Variants in EIF2AK4 observed in about 807,000 individuals in gnomAD.
EIF2AK4 encodes eIF-2-alpha kinase GCN2.
Under a neutral mutation model 211.1 loss-of-function variants are expected in EIF2AK4, and 139 were observed. The ratio of observed to expected loss-of-function variants is 0.66; its 90% CI spans 0.57 to 0.76. The LOEUF (loss-of-function observed/expected upper bound fraction) is 0.76, where lower values mean the gene tolerates loss of function less well. Ranked by LOEUF, EIF2AK4 falls within the 30% of genes least tolerant of loss-of-function variation. EIF2AK4 has a pLI of 0.00. For missense variants in EIF2AK4, 1,664 were observed against 2,043.8 expected, an observed-to-expected ratio of 0.81 and a Z score of 3.58; for synonymous variants, 710 against 751.3, an observed-to-expected ratio of 0.94 and a Z score of 0.90.
At chr15:39,961,044 C>T (rs1223570508) in intron 6 of EIF2AK4, among the ~76,000 whole-genome samples, 1 of 152,046 alleles carries the variant, frequency 6.6e-6, no homozygotes, top group East Asian at 1.9e-4. Context: ...TCCCTGCAAC[C>T]CTCTCCCCTA....
chr15:40,032,417 G>T (rs754321046), intron 36 of EIF2AK4, among the ~76,000 whole-genome samples, 180 bp downstream of exon 36: 9 of 152,076 alleles, frequency 5.9e-5, no homozygotes, highest in Admixed American at 2.0e-4. Context: ...AAGGTTTTTT[G>T]TTTCTCCTCT....
In EIF2AK4 at chr15:39,982,747, T is replaced by G. The variant is rs1204747938; in HGVS notation, c.2320-3058T>G. Among the ~76,000 whole-genome samples the G allele has an allele frequency of 3.3e-5, 5 of 152,204 alleles. No homozygotes were observed. In the East Asian group the frequency reaches 9.7e-4, roughly 29 times the overall value. On this transcript the variant is annotated intron_variant, in intron 13 of 38. Transcript: ENST00000263791. The stretch of plus-strand genomic sequence containing the variant: ...CCAATGTGTGATGTTCCCCTCCTTG[T>G]GCCCATATGTTCTCATTGTTCAACT...
intron 15 of EIF2AK4, among the ~76,000 whole-genome samples, chr15:39,989,655 A>G (rs1163649113): frequency 6.6e-6 from 1 of 152,218 alleles, no homozygotes; most frequent in African/African-American, 2.4e-5. Context: ...GGGACCCAGA[A>G]TTTACCTTCA....
rs781291843 is a variant in EIF2AK4, at chr15:39,967,778, T to C, written c.1452T>C (p.Leu484=). The change falls in exon 9 of 39, where the codon CTT becomes CTC. Residue 484 remains leucine (L), a synonymous_variant. Transcript: ENST00000263791. ...GGAAGAAAGGAGATGTTTGGCGTCT[T>C]GGCCTTCTGCTGCTGTCCCTCAGCC... ...KTGKKGDVWR[L]GLLLLSLSQG... is the part of the protein sequence containing the mutation. 1.2e-6 allele frequency: 2 copies of C among 1,614,240 alleles called. No individual in the cohort carries two copies. The highest frequency in any genetic ancestry group is 4.5e-5 in the East Asian group (2 of 44,892).
At chr15:39,953,815 A>G in intron 4 of EIF2AK4, 89 bp from the exon 5 acceptor site, 4 of 1,309,000 alleles carry the variant, frequency 3.1e-6, no homozygotes, top group Non-Finnish European at 4.3e-6. Flanking sequence ...TGAATTATTG[A>G]AAGTTAAAAG....
chr15:39,941,702 C>T (rs2034147100), intron 2 of EIF2AK4, among the ~76,000 whole-genome samples: 1 of 152,158 alleles, frequency 6.6e-6, no homozygotes, highest in Non-Finnish European at 1.5e-5. Context: ...GGGCAGATAA[C>T]TCTTTGTTGT....
chr15:40,022,935 A>T (rs2035413633), intron 32 of EIF2AK4, among the ~76,000 whole-genome samples: 1 of 152,022 alleles, frequency 6.6e-6, no homozygotes, highest in Non-Finnish European at 1.5e-5. Context: ...GGGTTTCACC[A>T]TGTTGGCCAG....
At chr15:39,985,991 T>G (rs8030980) in intron 14 of EIF2AK4, 103 bp downstream of exon 14, 2 of 972,476 alleles carry the variant, frequency 2.1e-6, no homozygotes, top group Non-Finnish European at 3.1e-6. Flanking sequence ...GGAGGGCTTA[T>G]TGCCACTACC....
At position 39,934,144 on chromosome 15, in the gene EIF2AK4, G is replaced by A; in HGVS notation, c.-52G>A. 1 of 1,256,212 alleles carries A rather than the reference G, an allele frequency of 8.0e-7. No homozygotes were observed. Among genetic ancestry groups the A allele is most frequent in the African/African-American group, 1.6e-5 (1 of 62,100 alleles). The allele number at this position is 1,256,212 out of a possible 1,614,324, so 77.8% of individuals were successfully genotyped here. A position where few individuals can be genotyped will look rare whatever the true frequency, so the allele number is the denominator to read the frequency against. The stretch of plus-strand genomic sequence containing the variant: ...CGGAGCCCCGCCCCGCAGGCTGCCG[G>A]GGGCCCACCGCCGCCCAGGCAAGGC... On this transcript the variant is annotated 5_prime_UTR_variant, in exon 1 of 39. Transcript: ENST00000263791.
chr15:39,967,920 T>C (rs751747886), intron 9 of EIF2AK4, 41 bp downstream of exon 9: 2 of 1,586,306 alleles, frequency 1.3e-6, no homozygotes, highest in Admixed American at 3.4e-5. Flanking sequence ...ACTTTACTCC[T>C]GTACTTTTGA....
At chr15:39,966,732 C>G (rs1026362758) in intron 8 of EIF2AK4, among the ~76,000 whole-genome samples, 33 of 152,104 alleles carry the variant, frequency 2.2e-4, no homozygotes, top group African/African-American at 7.0e-4. Context: ...GTAAATGTGC[C>G]AAAATCTTGA....
In EIF2AK4 at chr15:40,020,968, C is replaced by T. The variant is rs1428089837; in HGVS notation, c.4243C>T (p.Leu1415=). The T allele has an allele frequency of 4.3e-6, 7 of 1,613,754 alleles. No individual in the cohort carries two copies. The highest frequency in any genetic ancestry group is 5.9e-6 in the Non-Finnish European group (7 of 1,179,938). ...GATGTCTATGTCCAGGGCCATCAAC[C>T]TAACCCAGAAACTCTGGACAGCAGG... The part of the protein sequence containing the change: ...GQMSMSRAIN[L]TQKLWTAGIT... Residue 1415 remains leucine, a synonymous_variant, in exon 31 of 39, where the codon CTA becomes TTA. Coordinates refer to ENST00000263791, the MANE Select transcript of EIF2AK4 (RefSeq NM_001013703.4).
chr15:40,004,726 A>AT (rs71132133), intron 23 of EIF2AK4, among the ~76,000 whole-genome samples: 2 of 151,712 alleles, frequency 1.3e-5, no homozygotes, highest in Non-Finnish European at 2.9e-5. Context: ...AAATTTAAAA[A>AT]TTTTTTTTTG....
At position 40,009,574 on chromosome 15, in the gene EIF2AK4, G is replaced by A. The variant is rs765444476; in HGVS notation, c.3577-40G>A. 4 of 1,330,480 alleles carry A rather than the reference G, an allele frequency of 3.0e-6. No individual in the cohort carries two copies. The East Asian group carries it at 7.0e-5, about 23-fold the overall frequency. 82.4% of individuals were successfully genotyped at this position (1,330,480 alleles called of 1,614,324 possible). Reference sequence around the variant, plus strand: ...CAGATTTGGTCATGTACCAGTAATTGCTTTTATAATGAAAATAGTAATTTT... The same window carrying A: ...CAGATTTGGTCATGTACCAGTAATTACTTTTATAATGAAAATAGTAATTTT... On this transcript the variant is annotated intron_variant, in intron 25 of 38. Transcript: ENST00000263791.
At chr15:39,953,876 C>T in intron 4 of EIF2AK4, 28 bp from the exon 5 acceptor site, 2 of 1,602,350 alleles carry the variant, frequency 1.2e-6, no homozygotes, top group South Asian at 1.1e-5. Flanking sequence ...CAGAGATTGG[C>T]ATTTGATGAT....
At chr15:39,942,761 G>A (rs1429885341) in intron 2 of EIF2AK4, among the ~76,000 whole-genome samples, 2 of 152,192 alleles carry the variant, frequency 1.3e-5, no homozygotes, top group Admixed American at 1.3e-4. Flanking sequence ...CAAGAAGTGA[G>A]CATTTCCACC....
intron 18 of EIF2AK4, among the ~76,000 whole-genome samples, chr15:39,993,650 A>G (rs1193101829): frequency 6.6e-6 from 1 of 152,264 alleles, no homozygotes; most frequent in Non-Finnish European, 1.5e-5. Context: ...GGCAAGCAAC[A>G]GGGGACAGAG....
Position 39,978,136 on chromosome 15 carries a change from A to T in EIF2AK4, c.2308A>T (p.Ser770Cys), listed in dbSNP as rs776412374. Residue 770 changes from serine to cysteine, a missense_variant, in exon 13 of 39, where the codon AGT becomes TGT. Around this residue, in one of 7 missense-constraint regions of EIF2AK4, gnomAD observed 206 missense variants for 201.9 expected, o/e 1.02. Transcript: ENST00000263791. The stretch of plus-strand genomic sequence containing the variant: ...TGACAATGAAGATGAGAACAGTAAA[A>T]GTCAGAATCAGGTATATATATGAAT... ...IFDNEDENSK[S>C]QNQDEDCNEK... The T allele has an allele frequency of 1.9e-6, 3 of 1,565,192 alleles. No individual in the cohort carries two copies. Among genetic ancestry groups the T allele is most frequent in the Non-Finnish European group, 2.6e-6 (3 of 1,143,554 alleles).
At position 40,035,174 on chromosome 15, in the gene EIF2AK4, A is replaced by C. The variant is rs2035599488; in HGVS notation, c.*90A>C. 1.8e-6 allele frequency: 2 copies of C among 1,102,130 alleles called. No homozygotes were observed. The highest frequency in any genetic ancestry group is 4.8e-5 in the Admixed American group (2 of 41,646). 68.3% of individuals were successfully genotyped at this position (1,102,130 alleles called of 1,614,324 possible). On this transcript the variant is annotated 3_prime_UTR_variant, in exon 39 of 39. Transcript: ENST00000263791. ...TGTACATTCATCATAATTTAAAATT[A>C]AATTCTAAGAAGAGGCTGGGTGCAG... is the stretch of plus-strand genomic sequence containing the variant.
Sources: gnomAD v4.1 joint callset for allele counts (sites outside exome capture counted in the v4.1 genomes callset) on GRCh38, gnomAD v4.1.1 for gene constraint, gnomAD v4.1.1 regional missense constraint, MANE v1.5 for transcripts, NCBI Gene and HGNC (gene_info 2026-07-23, HGNC 2026-07-21) for gene names.